The following VIT variants were observed in gnomAD, a reference collection of about 807,000 sequenced individuals.
VIT encodes the protein vitrin.
VIT carries 99 observed loss-of-function variants against 78.0 expected under a neutral mutation model. The ratio of observed to expected loss-of-function variants is 1.27; its 90% confidence interval spans 1.08 to 1.50. The LOEUF is 1.50. Ranked by LOEUF, VIT falls within the 40% of genes most tolerant of loss-of-function variation. The probability of loss-of-function intolerance (pLI) is 0.00; values close to 1 mark genes in which losing one functional copy is unlikely to be tolerated. For synonymous variants in VIT, 374 were observed against 334.3 expected, an observed-to-expected ratio of 1.12 and a Z score of -1.29; for missense variants, 1,126 against 875.3, an observed-to-expected ratio of 1.29 and a Z score of -3.61.
rs191973476 is a variant in VIT at position 36,729,480 on chromosome 2, G to A, written c.107G>A (p.Arg36Lys). 4.4e-6 allele frequency: 7 copies of A among 1,608,974 alleles called. No homozygotes were observed. Among genetic ancestry groups the A allele is most frequent in the Admixed American group, 3.3e-5 (2 of 59,800 alleles). Residue 36 changes from arginine (R) to lysine (K), a missense_variant, in exon 3 of 16, where the codon AGG (arginine) becomes AAG (lysine). Physicochemically the swap from Arg to Lys is conservative, Grantham distance 26. Coordinates refer to ENST00000379242, the MANE Select transcript of VIT (RefSeq NM_053276.4). ...SNKETAKKIKRPKFTVPQINC... is the reference protein window; with the variant it reads ...SNKETAKKIKKPKFTVPQINC... ...AAAGAAACGGCAAAGAAGATTAAAA[G>A]GCCCAAGTTCAGTAAGTAAAATCAC... is the stretch of plus-strand genomic sequence containing the variant.
At chr2:36,795,629 G>A (rs1467579936) in intron 12 of VIT, among the ~76,000 whole-genome samples, 1 of 151,956 alleles carries the variant, frequency 6.6e-6, no homozygotes, top group African/African-American at 2.4e-5. Flanking sequence ...TGATCAAGCT[G>A]GTCTCGAACT....
intron 4 of VIT, among the ~76,000 whole-genome samples, chr2:36,751,122 G>A (rs781163485): frequency 6.6e-6 from 1 of 152,174 alleles, no homozygotes; most frequent in Non-Finnish European, 1.5e-5. Context: ...TTAGCTGGGT[G>A]TGGTGGCTCA....
intron 1 of VIT, among the ~76,000 whole-genome samples, chr2:36,715,183 C>T (rs1387460971): frequency 6.6e-6 from 1 of 152,174 alleles, no homozygotes; most frequent in African/African-American, 2.4e-5. Context: ...GCACTACCCC[C>T]CACCTACTGG....
At chr2:36,766,213 G>A (rs1223944780) in intron 6 of VIT, among the ~76,000 whole-genome samples, 1 of 152,180 alleles carries the variant, frequency 6.6e-6, no homozygotes, top group Non-Finnish European at 1.5e-5. Flanking sequence ...ATCATCACAC[G>A]TGGATGAAGA....
chr2:36,734,359 G>A (rs1327945216), intron 3 of VIT, among the ~76,000 whole-genome samples: 2 of 152,092 alleles, frequency 1.3e-5, no homozygotes, highest in African/African-American at 4.8e-5. Context: ...GAAATAACAA[G>A]GAGAAGGTAG....
At chr2:36,715,784 T>C in intron 1 of VIT, among the ~76,000 whole-genome samples, 1 of 152,196 alleles carries the variant, frequency 6.6e-6, no homozygotes, top group East Asian at 1.9e-4. Flanking sequence ...AACTTCCCCT[T>C]ATACTCTCTT....
intron 15 of VIT, among the ~76,000 whole-genome samples, chr2:36,810,450 C>T (rs1667073043): frequency 6.6e-6 from 1 of 152,078 alleles, no homozygotes. Context: ...AATCACTGAT[C>T]CAAAAAGTGT....
chr2:36,799,123 C>T (rs1666126696), intron 12 of VIT, among the ~76,000 whole-genome samples: 1 of 152,204 alleles, frequency 6.6e-6, no homozygotes, highest in South Asian at 2.1e-4. Context: ...TCCACTCTTT[C>T]TGTTTTTCAT....
At chr2:36,810,174 C>T (rs1250370324) in intron 15 of VIT, among the ~76,000 whole-genome samples, 1 of 152,100 alleles carries the variant, frequency 6.6e-6, no homozygotes, top group African/African-American at 2.4e-5. Flanking sequence ...GCCTGTAATC[C>T]CAGCTACTCA....
chr2:36,699,639 T>TAGATAGATAGAC (rs1558495833), intron 1 of VIT, among the ~76,000 whole-genome samples: 85 of 150,816 alleles, frequency 5.6e-4, no homozygotes, highest in African/African-American at 2.0e-3. Context: ...GATAGATAGA[T>TAGATAGATAGAC]AGATAGATAG....
chr2:36,765,012 G>T (rs1294540826), intron 6 of VIT, among the ~76,000 whole-genome samples: 1 of 151,988 alleles, frequency 6.6e-6, no homozygotes, highest in Non-Finnish European at 1.5e-5. Flanking sequence ...CTGGGATGCT[G>T]TGGTAGGCTG....
intron 7 of VIT, among the ~76,000 whole-genome samples, chr2:36,771,329 C>T (rs984529198): frequency 6.6e-6 from 1 of 152,048 alleles, no homozygotes; most frequent in African/African-American, 2.4e-5. Context: ...GAAGTTCGAC[C>T]AGTCTGGCCA....
chr2:36,754,343 G>A (rs1253050954), intron 4 of VIT, among the ~76,000 whole-genome samples: 1 of 152,126 alleles, frequency 6.6e-6, no homozygotes, highest in Non-Finnish European at 1.5e-5. Context: ...TGGAGACCCT[G>A]CCTAACATCA....
chr2:36,743,618 T>A (rs1667967916), intron 4 of VIT, among the ~76,000 whole-genome samples: 1 of 152,216 alleles, frequency 6.6e-6, no homozygotes, highest in African/African-American at 2.4e-5. Context: ...TAATGTGCTC[T>A]TGTGGAGTTT....
At chr2:36,735,720 C>A (rs535672282) in intron 3 of VIT, among the ~76,000 whole-genome samples, 74 of 152,326 alleles carry the variant, frequency 4.9e-4, no homozygotes, top group Middle Eastern at 3.4e-3. Context: ...TTTACTGGAA[C>A]CTATTTGGCC....
intron 1 of VIT, among the ~76,000 whole-genome samples, chr2:36,711,693 G>C (rs907289013): frequency 6.6e-6 from 1 of 152,168 alleles, no homozygotes; most frequent in African/African-American, 2.4e-5. Flanking sequence ...GAACAAAATA[G>C]ACAACTCTAG....
chr2:36,765,858 A>G (rs1390946446), intron 6 of VIT, among the ~76,000 whole-genome samples: 4 of 152,220 alleles, frequency 2.6e-5, no homozygotes, highest in African/African-American at 9.6e-5. Context: ...GTGAGAGAAT[A>G]AATTTCTGTC....
chr2:36,697,859 G>A lies in VIT; in HGVS notation c.-19+886G>A, dbSNP rs907315465. ...CCGTGGTGGTTGCTCAAAATTGCGT[G>A]TGCTAAGAAAATAGTATTTTGCCGT... On this transcript the variant is annotated intron_variant, in intron 1 of 15. Transcript: ENST00000379242. 3.9e-5 allele frequency among the ~76,000 whole-genome samples: 6 copies of A among 152,318 alleles called. No individual in the cohort carries two copies. In the East Asian group the frequency reaches 1.2e-3, roughly 29 times the overall value.
intron 1 of VIT, among the ~76,000 whole-genome samples, chr2:36,706,885 A>G (rs776914904): frequency 1.3e-5 from 2 of 152,210 alleles, no homozygotes; most frequent in Non-Finnish European, 2.9e-5. Flanking sequence ...AGTGACAACC[A>G]TGTGAGGAGT....
Sources: allele counts gnomAD v4.1 joint callset (sites outside exome capture counted in the v4.1 genomes callset), GRCh38; gene constraint gnomAD v4.1.1; transcripts MANE v1.5; gene names NCBI Gene and HGNC (gene_info 2026-07-23, HGNC 2026-07-21).